LPAR1: variants seen among roughly 807,000 people sequenced by gnomAD.
LPAR1 encodes lysophosphatidic acid receptor 1.
In LPAR1, 5 loss-of-function variants were observed where a neutral mutation model predicts 23.8. That is an observed-to-expected ratio of 0.21 (90% CI 0.11 to 0.44). LPAR1 has a LOEUF of 0.44. LPAR1 is among the 20% of genes least tolerant of loss of function. LPAR1 has a pLI of 0.99. For synonymous variants in LPAR1, 160 were observed against 164.7 expected, an observed-to-expected ratio of 0.97 and a Z score of 0.22; for missense variants, 311 against 482.8, an observed-to-expected ratio of 0.64 and a Z score of 3.33.
At position 110,874,576 on chromosome 9, in the gene LPAR1, T is replaced by A. The variant is rs1292546981; in HGVS notation, c.*845A>T. On this transcript the variant is annotated 3_prime_UTR_variant, in exon 6 of 6. Coordinates refer to ENST00000683809, the MANE Select transcript of LPAR1 (RefSeq NM_001351411.2). Reference sequence around the variant, plus strand: ...AAAGACTACGAAAATTTTCCTCTGATATACTGGTAATTAGAATGTACTTGG... The same window carrying A: ...AAAGACTACGAAAATTTTCCTCTGAAATACTGGTAATTAGAATGTACTTGG... The A allele has an allele frequency of 2.0e-5, 3 of 152,658 alleles. No homozygotes were observed. Among genetic ancestry groups the A allele is most frequent in the Non-Finnish European group, 4.4e-5 (3 of 68,028 alleles). 9.5% of individuals were successfully genotyped at this position (152,658 alleles called of 1,614,324 possible). A position where few individuals can be genotyped will look rare whatever the true frequency, so the allele number is the denominator to read the frequency against.
chr9:110,908,878 C>T (rs1373608950), intron 5 of LPAR1, among the ~76,000 whole-genome samples: 1 of 152,180 alleles, frequency 6.6e-6, no homozygotes, highest in African/African-American at 2.4e-5. Flanking sequence ...GTATTGAAAC[C>T]AACCCCATCG....
At position 110,874,274 on chromosome 9, in the gene LPAR1, A is replaced by C. The variant is rs1162833073; in HGVS notation, c.*1147T>G. The C allele has an allele frequency of 6.6e-6, 1 of 152,600 alleles. No individual in the cohort carries two copies. The highest frequency in any genetic ancestry group is 1.9e-4 in the East Asian group (1 of 5,204). The allele number at this position is 152,600 out of a possible 1,614,324, so 9.5% of individuals were successfully genotyped here. On this transcript the variant is annotated 3_prime_UTR_variant, in exon 6 of 6. Transcript: ENST00000683809. ...TAAATAAACTGAGTTGCATCCATTA[A>C]ATGGAATATAATATAGCCATTAAAA...
intron 5 of LPAR1, among the ~76,000 whole-genome samples, chr9:110,904,277 A>G (rs1254056513): frequency 1.3e-5 from 2 of 152,184 alleles, no homozygotes; most frequent in Non-Finnish European, 2.9e-5. Context: ...CATGAGTTTC[A>G]TAAGATATAT....
chr9:110,934,467 G>GTT (rs1220779761), intron 5 of LPAR1: 1 of 152,060 alleles, frequency 6.6e-6, no homozygotes, highest in Non-Finnish European at 1.5e-5. Flanking sequence ...AGATTTCTTT[G>GTT]TTCTTTCTCC....
intron 5 of LPAR1, among the ~76,000 whole-genome samples, chr9:110,937,198 CA>C (rs1463423720): frequency 6.6e-6 from 1 of 152,158 alleles, no homozygotes; most frequent in Non-Finnish European, 1.5e-5. Flanking sequence ...TTTCTCTGCC[CA>C]GGGAAACAAA....
At chr9:110,948,060 A>G (rs959153030) in intron 4 of LPAR1, among the ~76,000 whole-genome samples, 2 of 152,220 alleles carry the variant, frequency 1.3e-5, no homozygotes, top group Admixed American at 6.5e-5. Context: ...TTGTTTTTCA[A>G]TAAGTTCCAA....
intron 4 of LPAR1, among the ~76,000 whole-genome samples, chr9:110,958,527 T>C (rs1023643072): frequency 6.6e-6 from 1 of 152,146 alleles, no homozygotes; most frequent in African/African-American, 2.4e-5. Context: ...GATATCCTTA[T>C]GCAGAAGAAT....
chr9:110,943,619 G>A (rs2095258994), intron 4 of LPAR1, among the ~76,000 whole-genome samples: 1 of 152,048 alleles, frequency 6.6e-6, no homozygotes, highest in Non-Finnish European at 1.5e-5. Flanking sequence ...CAGCACTTTG[G>A]GAGGCCAAAG....
At chr9:110,904,525 A>C (rs1342892244) in intron 5 of LPAR1, among the ~76,000 whole-genome samples, 3 of 152,240 alleles carry the variant, frequency 2.0e-5, no homozygotes, top group African/African-American at 7.2e-5. Flanking sequence ...GTATAATCCC[A>C]AAAGTCCTCA....
chr9:110,935,867 G>C (rs1391448099), intron 5 of LPAR1, among the ~76,000 whole-genome samples: 2 of 152,174 alleles, frequency 1.3e-5, no homozygotes, highest in East Asian at 1.9e-4. Context: ...ACAGACAGAA[G>C]CTCAAACTTC....
intron 5 of LPAR1, among the ~76,000 whole-genome samples, chr9:110,940,969 C>T (rs2095059684): frequency 6.6e-6 from 1 of 152,130 alleles, no homozygotes; most frequent in African/African-American, 2.4e-5. Context: ...GATATACTAC[C>T]TATAATGTAG....
At chr9:110,952,983 C>T (rs2095618364) in intron 4 of LPAR1, among the ~76,000 whole-genome samples, 1 of 152,224 alleles carries the variant, frequency 6.6e-6, no homozygotes, top group Admixed American at 6.5e-5. Flanking sequence ...GCCACTATCA[C>T]CTCAGTTGGC....
At chr9:111,019,616 TCA>T (rs1369877409) in intron 2 of LPAR1, among the ~76,000 whole-genome samples, 1 of 151,612 alleles carries the variant, frequency 6.6e-6, no homozygotes, top group Admixed American at 6.6e-5. Context: ...GGCGGGCAGA[TCA>T]CAAGGACAGG....
intron 2 of LPAR1, among the ~76,000 whole-genome samples, chr9:110,987,055 G>A (rs1314812614): frequency 6.6e-6 from 1 of 152,026 alleles, no homozygotes; most frequent in Non-Finnish European, 1.5e-5. Context: ...TATATGCATG[G>A]TTTCCATCAA....
At chr9:111,032,362 T>C (rs1564393711) in intron 2 of LPAR1, among the ~76,000 whole-genome samples, 2 of 152,126 alleles carry the variant, frequency 1.3e-5, no homozygotes, top group Non-Finnish European at 1.5e-5. Flanking sequence ...GTGCCCCCGC[T>C]TGGTGCTCCC....
intron 2 of LPAR1, among the ~76,000 whole-genome samples, chr9:111,008,430 C>T (rs962545476): frequency 4.6e-5 from 7 of 152,012 alleles, no homozygotes; most frequent in Middle Eastern, 3.4e-3. Context: ...GAAATCAACT[C>T]GGAAAAGAAA....
intron 5 of LPAR1, among the ~76,000 whole-genome samples, chr9:110,876,625 G>C (rs1179016494): frequency 6.6e-6 from 1 of 152,160 alleles, no homozygotes; most frequent in Non-Finnish European, 1.5e-5. Context: ...CAGAGTTCAA[G>C]CTCTAGAAAA....
chr9:110,949,775 A>G (rs2095511252), intron 4 of LPAR1, among the ~76,000 whole-genome samples: 1 of 152,234 alleles, frequency 6.6e-6, no homozygotes, highest in Admixed American at 6.5e-5. Flanking sequence ...TTCAAGATAC[A>G]CACAAACACA....
intron 2 of LPAR1, among the ~76,000 whole-genome samples, chr9:111,005,566 A>T (rs1191645621): frequency 7.5e-6 from 1 of 134,030 alleles, no homozygotes; most frequent in African/African-American, 2.9e-5. Context: ...AAAAAAAAAA[A>T]AAAAAAAAAA....
Sources: gnomAD v4.1 joint callset for allele counts (sites outside exome capture counted in the v4.1 genomes callset) on GRCh38, gnomAD v4.1.1 for gene constraint, MANE v1.5 for transcripts, NCBI Gene and HGNC (gene_info 2026-07-23, HGNC 2026-07-21) for gene names.